GALNT2: variants seen among roughly 807,000 people sequenced by gnomAD.
GALNT2 encodes the protein UDP-GalNAc:polypeptide N-acetylgalactosaminyltransferase 2.
Under a neutral mutation model 81.4 loss-of-function variants are expected in GALNT2, and 31 were observed. The observed-to-expected ratio is 0.38, with a 90% CI of 0.29 to 0.51. GALNT2 has a LOEUF of 0.51. GALNT2 is among the 20% of genes least tolerant of loss of function. The probability of loss-of-function intolerance (pLI) is 0.87; values close to 1 mark genes in which losing one functional copy is unlikely to be tolerated. For synonymous variants in GALNT2, 303 were observed against 287.4 expected, an observed-to-expected ratio of 1.05 and a Z score of -0.55; for missense variants, 629 against 765.7, an observed-to-expected ratio of 0.82 and a Z score of 2.11.
At chr1:230,178,499 T>A (rs73111966) in intron 2 of GALNT2, among the ~76,000 whole-genome samples, 188 bp downstream of exon 2, 20,102 of 152,178 alleles carry the variant, frequency 0.13, 3,163 homozygotes, top group East Asian at 0.38. Context: ...TTAAAACTTT[T>A]ATAGGAGGTG....
At chr1:230,269,202 T>C (rs1376508983) in intron 14 of GALNT2, among the ~76,000 whole-genome samples, 3 of 150,934 alleles carry the variant, frequency 2.0e-5, no homozygotes, top group African/African-American at 7.3e-5. Flanking sequence ...TTTTTTTTTT[T>C]TGAGACGGAG....
In GALNT2 at chr1:230,246,119, G is replaced by A; in HGVS notation, c.786G>A (p.Gln262=). 4 of 1,614,126 alleles carry A rather than the reference G, an allele frequency of 2.5e-6. No individual in the cohort carries two copies. Among genetic ancestry groups the A allele is most frequent in the Middle Eastern group, 1.6e-4 (1 of 6,062 alleles). Residue 262 remains glutamine (Q), a synonymous_variant, in exon 8 of 16, where the codon CAG becomes CAA. Coordinates refer to ENST00000366672, the MANE Select transcript of GALNT2 (RefSeq NM_004481.5). ...IIDVINMDNF[Q]YVGASADLKG... ...ATGTCATTAATATGGACAACTTTCA[G>A]TATGTGGGGGCATCTGCTGACTTGA...
At chr1:230,264,972 CAAAAAAA>C (rs67239229) in intron 13 of GALNT2, 32 of 170,834 alleles carry the variant, frequency 1.9e-4, no homozygotes, top group South Asian at 3.8e-4. Context: ...CCTTCCTTTC[CAAAAAAA>C]AAAAAAAAAA....
In GALNT2 at chr1:230,255,359, G is replaced by T. The variant is rs1419933043; in HGVS notation, c.1136+15G>T. ...GTCTTTGCCCGGTAAGTAGTGAAAG[G>T]CTGAGCGGGGTCCAAAACATTGATG... On this transcript the variant is annotated intron_variant, in intron 11 of 15. Transcript: ENST00000366672. 1 of 1,614,086 alleles carries T rather than the reference G, an allele frequency of 6.2e-7. No individual in the cohort carries two copies. The highest frequency in any genetic ancestry group is 8.5e-7 in the Non-Finnish European group (1 of 1,180,026).
At chr1:230,255,519 C>T (rs990357789) in intron 11 of GALNT2, 175 bp downstream of exon 11, 8 of 819,960 alleles carry the variant, frequency 9.8e-6, no homozygotes, top group Admixed American at 5.0e-5. Context: ...ACAACCTGGG[C>T]GCCTTTCCAG....
intron 1 of GALNT2, among the ~76,000 whole-genome samples, chr1:230,147,161 C>T (rs1352861753): frequency 6.6e-6 from 1 of 152,176 alleles, no homozygotes; most frequent in African/African-American, 2.4e-5. Context: ...GGGGAGATTT[C>T]AGACCATGAT....
chr1:230,216,138 G>A (rs906331619), intron 3 of GALNT2, among the ~76,000 whole-genome samples: 5 of 152,170 alleles, frequency 3.3e-5, no homozygotes, highest in African/African-American at 1.2e-4. Flanking sequence ...CAATCTTCGA[G>A]TCCTAACAAA....
chr1:230,103,510 A>C (rs2883027), intron 1 of GALNT2, among the ~76,000 whole-genome samples: 1 of 151,612 alleles, frequency 6.6e-6, no homozygotes, highest in Non-Finnish European at 1.5e-5. Flanking sequence ...GTTGGAAAGA[A>C]ATGTAAGTCA....
chr1:230,199,317 C>A (rs1225721440), intron 2 of GALNT2, among the ~76,000 whole-genome samples: 1 of 152,122 alleles, frequency 6.6e-6, no homozygotes, highest in African/African-American at 2.4e-5. Context: ...CCTCTGCAAA[C>A]CTTGTTCTCC....
intron 1 of GALNT2, among the ~76,000 whole-genome samples, chr1:230,139,000 G>A (rs977560266): frequency 6.6e-6 from 1 of 152,114 alleles, no homozygotes; most frequent in African/African-American, 2.4e-5. Context: ...CAGCCAGTAG[G>A]TCTCAGCCTC....
chr1:230,153,408 C>T (rs1241195060), intron 1 of GALNT2, among the ~76,000 whole-genome samples: 2 of 152,112 alleles, frequency 1.3e-5, no homozygotes, highest in East Asian at 3.8e-4. Flanking sequence ...GGGGGGTCAG[C>T]CTTCAACATT....
intron 12 of GALNT2, 93 bp downstream of exon 12, chr1:230,262,758 A>AC: frequency 7.3e-7 from 1 of 1,373,302 alleles, no homozygotes; most frequent in Admixed American, 1.7e-5. Flanking sequence ...GAATTCAGCT[A>AC]CCCAGGTGCC....
intron 1 of GALNT2, among the ~76,000 whole-genome samples, chr1:230,127,994 G>T: frequency 7.1e-6 from 1 of 140,670 alleles, no homozygotes. Context: ...GCTGTGTGGG[G>T]GATGCAGGCA....
intron 1 of GALNT2, among the ~76,000 whole-genome samples, chr1:230,157,704 A>G (rs1662304223): frequency 6.6e-6 from 1 of 152,242 alleles, no homozygotes; most frequent in Non-Finnish European, 1.5e-5. Context: ...ATCTCTGTAC[A>G]TTATGTGCAT....
At chr1:230,084,921 C>T (rs1248968598) in intron 1 of GALNT2, among the ~76,000 whole-genome samples, 1 of 152,060 alleles carries the variant, frequency 6.6e-6, no homozygotes, top group Non-Finnish European at 1.5e-5. Flanking sequence ...TCTGCTTTTT[C>T]GTCCAGACAT....
chr1:230,248,542 C>G (rs985206323), intron 8 of GALNT2, among the ~76,000 whole-genome samples: 1 of 152,222 alleles, frequency 6.6e-6, no homozygotes, highest in Non-Finnish European at 1.5e-5. Context: ...AGGGTCTAGG[C>G]TCTTCTATCC....
intron 1 of GALNT2, among the ~76,000 whole-genome samples, chr1:230,119,516 T>C (rs1401521498): frequency 1.3e-5 from 2 of 152,236 alleles, no homozygotes; most frequent in Non-Finnish European, 2.9e-5. Context: ...GTTTCTGTGG[T>C]GGAGGCAACC....
intron 1 of GALNT2, among the ~76,000 whole-genome samples, chr1:230,105,553 C>T (rs1008242153): frequency 1.2e-4 from 18 of 152,130 alleles, no homozygotes; most frequent in Admixed American, 3.3e-4. Flanking sequence ...TTCAGTGAAC[C>T]GTGTTGCTCT....
At chr1:230,227,289 T>C (rs1279459441) in intron 3 of GALNT2, among the ~76,000 whole-genome samples, 2 of 151,932 alleles carry the variant, frequency 1.3e-5, no homozygotes, top group African/African-American at 4.8e-5. Context: ...TTTCAGAGAA[T>C]AGAAAAGGAG....
Sources: allele counts gnomAD v4.1 joint callset (sites outside exome capture counted in the v4.1 genomes callset), GRCh38; gene constraint gnomAD v4.1.1; transcripts MANE v1.5; gene names NCBI Gene and HGNC (gene_info 2026-07-23, HGNC 2026-07-21).